The following GIT1 variants were observed in gnomAD, a reference collection of about 807,000 sequenced individuals.
GIT1 encodes the protein ARF GTPase-activating protein GIT1.
In GIT1, 14 loss-of-function variants were observed where a neutral mutation model predicts 91.7. The observed-to-expected ratio is 0.15, with a 90% CI of 0.10 to 0.24. The LOEUF is 0.24. GIT1 is among the 10% of genes least tolerant of loss of function. GIT1 has a pLI of 1.00. For synonymous variants in GIT1, 414 were observed against 418.2 expected (o/e 0.99, Z 0.12); for missense variants, 717 against 1,024.9 (o/e 0.70, Z 4.10).
chr17:29,574,538 G>A lies in GIT1; in HGVS notation c.*164C>T, dbSNP rs753392472. 1.7e-5 allele frequency: 12 copies of A among 692,040 alleles called. No individual in the cohort carries two copies. The highest frequency in any genetic ancestry group is 2.6e-5 in the Non-Finnish European group (10 of 385,074). 42.9% of individuals were successfully genotyped at this position (692,040 alleles called of 1,614,324 possible). Reference sequence around the variant, plus strand: ...CCCCCCCACCTCCCCATCCTTAGGGGCTCGACAGGGGTGGGCACCAGGGCA... The same window carrying A: ...CCCCCCCACCTCCCCATCCTTAGGGACTCGACAGGGGTGGGCACCAGGGCA... On this transcript the variant is annotated 3_prime_UTR_variant, in exon 20 of 20. Transcript: ENST00000225394.
At position 29,581,628 on chromosome 17, in the gene GIT1, A is replaced by G; in HGVS notation, c.718+114T>C. The G allele has an allele frequency of 6.2e-6, 5 of 808,218 alleles. No homozygotes were observed. In the South Asian group the frequency reaches 7.5e-5, roughly 12 times the overall value. 50.1% of individuals were successfully genotyped at this position (808,218 alleles called of 1,614,324 possible). On this transcript the variant is annotated intron_variant, in intron 6 of 19. Coordinates refer to ENST00000225394, the MANE Select transcript of GIT1 (RefSeq NM_014030.4). This position sits in a 1 kb window ranked among gnomAD's most constrained non-coding sequence, Gnocchi z 4.8. ...TCACAGGAGCCAGTTGCCTAGCAAC[A>G]TTGCTCCCCAGCCGCTCTGTCACCA...
intron 9 of GIT1, 118 bp downstream of exon 9, chr17:29,578,181 T>A: frequency 1.2e-6 from 1 of 829,966 alleles, no homozygotes; most frequent in Non-Finnish European, 2.1e-6. Flanking sequence ...GGGGCTCATC[T>A]GCAGGCCTCT....
rs1598564461 is a variant in GIT1 at position 29,575,950 on chromosome 17, GCTCACCA to G, written c.1666-59_1666-53del. ...AGTCAGTGTGCCCCACTGCCCCCCT[GCTCACCA>G]GCAGTGCAGCAGGGACCAGGTCAGT... is the stretch of plus-strand genomic sequence containing the variant. On this transcript the variant is annotated intron_variant, in intron 15 of 19. Transcript: ENST00000225394. The surrounding 1 kb of genome is among the most constrained non-coding windows in gnomAD (Gnocchi z 5.5). 4 of 1,548,104 alleles carry G rather than the reference GCTCACCA, an allele frequency of 2.6e-6. No individual in the cohort carries two copies. In the East Asian group the frequency reaches 9.1e-5, roughly 35 times the overall value.
rs759337914 is a variant in GIT1 at position 29,576,597 on chromosome 17, T to C, written c.1305A>G (p.Thr435=). The C allele has an allele frequency of 6.2e-6, 10 of 1,613,980 alleles. No individual in the cohort carries two copies. Among genetic ancestry groups the C allele is most frequent in the Admixed American group, 5.0e-5 (3 of 60,012 alleles). Residue 435 remains threonine, a synonymous_variant, in exon 13 of 20, where the codon ACA becomes ACG. Coordinates refer to ENST00000225394, the MANE Select transcript of GIT1 (RefSeq NM_014030.4). ...TGAGCTGCTGCACCTTTGCCTCCGA[T>C]GTAGCCAGGGCCTTCTTCAGCTCCA... The part of the protein sequence containing the change: ...EYLELKKALA[T]SEAKVQQLMK...
chr17:29,585,524 G>C (rs8071041), intron 1 of GIT1, among the ~76,000 whole-genome samples: 1 of 152,214 alleles, frequency 6.6e-6, no homozygotes, highest in Non-Finnish European at 1.5e-5. Context: ...GGATGCAGGA[G>C]TGTGGTCCAA....
chr17:29,578,410 C>T (rs572551594), intron 8 of GIT1, 39 bp from the exon 9 acceptor site: 7 of 1,587,738 alleles, frequency 4.4e-6, no homozygotes, highest in African/African-American at 2.7e-5. Flanking sequence ...TCAGATGCAT[C>T]GGCTCCCAGT....
chr17:29,588,576 G>T (rs2033680280), intron 1 of GIT1, among the ~76,000 whole-genome samples: 1 of 152,174 alleles, frequency 6.6e-6, no homozygotes, highest in Admixed American at 6.5e-5. Context: ...GGACAGGGAG[G>T]GGCCCGCACC....
Position 29,581,412 on chromosome 17 carries a change from C to A in GIT1, c.719-32G>T. On this transcript the variant is annotated intron_variant, in intron 6 of 19. Coordinates refer to ENST00000225394, the MANE Select transcript of GIT1 (RefSeq NM_014030.4). The surrounding 1 kb of genome is among the most constrained non-coding windows in gnomAD (Gnocchi z 4.8). The stretch of plus-strand genomic sequence containing the variant: ...AAAAATAAAAATGCCAAGTCACTCA[C>A]TAGTGCTGGGTGGCCTCAGCAGCTG... 1 of 1,584,304 alleles carries A rather than the reference C, an allele frequency of 6.3e-7. No homozygotes were observed. The highest frequency in any genetic ancestry group is 1.7e-5 in the Admixed American group (1 of 59,992).
Position 29,582,942 on chromosome 17 carries a change from G to A in GIT1, c.282C>T (p.Asn94=), listed in dbSNP as rs753984505. 3.7e-6 allele frequency: 6 copies of A among 1,610,642 alleles called. No individual in the cohort carries two copies. Among genetic ancestry groups the A allele is most frequent in the Non-Finnish European group, 4.2e-6 (5 of 1,178,192 alleles). The part of the protein sequence containing the change: ...AQVQSGRRKA[N]PQDKVHPIKS... Reference sequence around the variant, plus strand: ...CCACTCACTGGACTTTGTCTTGGGGGTTGGCTTTACGCCGGCCGCTCTGCA... The same window carrying A: ...CCACTCACTGGACTTTGTCTTGGGGATTGGCTTTACGCCGGCCGCTCTGCA... The change falls in exon 3 of 20, where the codon AAC becomes AAT. Residue 94 remains asparagine (N), a synonymous_variant. Coordinates refer to ENST00000225394, the MANE Select transcript of GIT1 (RefSeq NM_014030.4).
At chr17:29,584,560 G>C (rs2033518217) in intron 1 of GIT1, among the ~76,000 whole-genome samples, 1 of 152,338 alleles carries the variant, frequency 6.6e-6, no homozygotes, top group East Asian at 1.9e-4. Context: ...GCTGCGGAAA[G>C]GTCACGGGGG....
chr17:29,578,418 A>G, intron 8 of GIT1, 47 bp from the exon 9 acceptor site: 1 of 1,551,038 alleles, frequency 6.4e-7, no homozygotes, highest in Non-Finnish European at 8.9e-7. Flanking sequence ...ATCGGCTCCC[A>G]GTGCCAAGGC....
intron 10 of GIT1, 111 bp downstream of exon 10, chr17:29,577,534 G>A: frequency 1.3e-6 from 1 of 784,620 alleles, no homozygotes; most frequent in Non-Finnish European, 2.3e-6. Flanking sequence ...TGCCCTGAGG[G>A]AGGCCCTGGC....
chr17:29,578,642 G>A (rs558945903), intron 8 of GIT1, 89 bp downstream of exon 8: 17 of 1,201,290 alleles, frequency 1.4e-5, no homozygotes, highest in African/African-American at 4.5e-5. Context: ...AAAGGTCATC[G>A]AGTCAGAGGC....
At position 29,574,606 on chromosome 17, in the gene GIT1, C is replaced by A; in HGVS notation, c.*96G>T. ...GTGGCAGCACTAAGGGCACTTGTGC[C>A]AGTGGCTCTGTTGGGGTGGGGATTA... On this transcript the variant is annotated 3_prime_UTR_variant, in exon 20 of 20. Transcript: ENST00000225394. The A allele has an allele frequency of 9.5e-7, 1 of 1,052,476 alleles. No homozygotes were observed. 65.2% of individuals were successfully genotyped at this position (1,052,476 alleles called of 1,614,324 possible).
rs1445438478 is a variant in GIT1 at position 29,577,014 on chromosome 17, TCACTCAGGCCA to T, written c.1094-29_1094-19del. The T allele has an allele frequency of 6.2e-7, 1 of 1,604,158 alleles. No homozygotes were observed. The highest frequency in any genetic ancestry group is 1.3e-5 in the African/African-American group (1 of 74,874). On this transcript the variant is annotated intron_variant, in intron 11 of 19. Transcript: ENST00000225394. The stretch of plus-strand genomic sequence containing the variant: ...GAGGTTGTCTGAGGACACAGGAGTG[TCACTCAGGCCA>T]CACTCCACCACACAACCCATCTCTC...
At chr17:29,582,390 G>A (rs1029874213) in intron 4 of GIT1, among the ~76,000 whole-genome samples, 4 of 152,270 alleles carry the variant, frequency 2.6e-5, no homozygotes, top group African/African-American at 9.6e-5. Context: ...AGTAGATGCT[G>A]TTATTTCTTT....
In GIT1 at chr17:29,575,766, A is replaced by C. The variant is rs775998184; in HGVS notation, c.1752+46T>G. 4 of 1,608,358 alleles carry C rather than the reference A, an allele frequency of 2.5e-6. No homozygotes were observed. In the South Asian group the frequency reaches 4.4e-5, roughly 18 times the overall value. ...CCTGGACCCACACTGCCCCTAGCCC[A>C]CACGGCCCCCAGCCACCCTGTGGGC... On this transcript the variant is annotated intron_variant, in intron 16 of 19. Transcript: ENST00000225394. The surrounding 1 kb of genome is among the most constrained non-coding windows in gnomAD (Gnocchi z 5.5).
rs188920927 is a variant in GIT1 at position 29,584,478 on chromosome 17, G to C, written c.53-862C>G. On this transcript the variant is annotated intron_variant, in intron 1 of 19. Transcript: ENST00000225394. The stretch of plus-strand genomic sequence containing the variant: ...AGGGCCAGGACTGGGTGGGAGTTCC[G>C]GGGTTCTTCTCAAGGGTGGAGGAGA... Among the ~76,000 whole-genome samples the C allele has an allele frequency of 2.0e-5, 3 of 152,334 alleles. No homozygotes were observed. In the East Asian group the frequency reaches 5.8e-4, roughly 29 times the overall value.
chr17:29,589,052 C>T lies in GIT1; in HGVS notation c.52+275G>A, dbSNP rs1351896583. ...TACAGAGATGGAGGTGGAGGAGCAG[C>T]CAGCTGCCCGCCTCCCTCAGACCGA... On this transcript the variant is annotated intron_variant, in intron 1 of 19. Coordinates refer to ENST00000225394, the MANE Select transcript of GIT1 (RefSeq NM_014030.4). The surrounding 1 kb of genome is among the most constrained non-coding windows in gnomAD (Gnocchi z 5.2). Among the ~76,000 whole-genome samples the T allele has an allele frequency of 1.3e-5, 2 of 152,310 alleles. No homozygotes were observed. Among genetic ancestry groups the T allele is most frequent in the Admixed American group, 6.5e-5 (1 of 15,312 alleles).
Sources: gnomAD v4.1 joint callset for allele counts (sites outside exome capture counted in the v4.1 genomes callset) on GRCh38, gnomAD v4.1.1 for gene constraint, Gnocchi (gnomAD v3.1) non-coding constraint, MANE v1.5 for transcripts, NCBI Gene and HGNC (gene_info 2026-07-23, HGNC 2026-07-21) for gene names.